The following FAM133B variants were observed in gnomAD, a reference collection of about 807,000 sequenced individuals.
FAM133B encodes the protein protein FAM133B.
In FAM133B, 25 loss-of-function variants were observed where a neutral mutation model predicts 46.4. The observed-to-expected ratio is 0.54, with a 90% confidence interval of 0.39 to 0.75. The LOEUF (loss-of-function observed/expected upper bound fraction) is 0.75, where lower values mean the gene tolerates loss of function less well. Ranked by LOEUF, FAM133B falls within the 30% of genes least tolerant of loss-of-function variation. The pLI is 0.00. For missense variants in FAM133B, 205 were observed against 277.6 expected (o/e 0.74, Z 1.86); for synonymous variants, 75 against 86.0 (o/e 0.87, Z 0.71).
intron 1 of FAM133B, among the ~76,000 whole-genome samples, chr7:92,583,179 G>A (rs1794938645): frequency 6.6e-6 from 1 of 152,142 alleles, no homozygotes. Flanking sequence ...CATACTATAT[G>A]CAACCTGGAT....
chr7:92,562,395 T>A (rs1366572334), intron 10 of FAM133B, 27 bp from the exon 11 acceptor site: 1 of 1,518,692 alleles, frequency 6.6e-7, no homozygotes, highest in Non-Finnish European at 8.8e-7. Flanking sequence ...ATGTTAGACA[T>A]TACTATATAA....
At chr7:92,576,531 T>G (rs988201238) in intron 7 of FAM133B, among the ~76,000 whole-genome samples, 1 of 152,184 alleles carries the variant, frequency 6.6e-6, no homozygotes, top group Non-Finnish European at 1.5e-5. Flanking sequence ...TGTCAAATTG[T>G]GGTCCATAAA....
intron 1 of FAM133B, chr7:92,585,458 A>G: frequency 1.5e-6 from 1 of 684,740 alleles, no homozygotes; most frequent in Non-Finnish European, 1.8e-6. Context: ...GAGTGCAAAT[A>G]TACACATATC....
At chr7:92,581,917 G>GTGAGGGTGATAACAGTATGTT (rs1374426631) in intron 1 of FAM133B, 1 of 230,750 alleles carries the variant, frequency 4.3e-6, no homozygotes, top group Non-Finnish European at 8.5e-6. Context: ...CAGTAACCCT[G>GTGAGGGTGATAACAGTATGTT]TGAGGGTGAT....
intron 8 of FAM133B, among the ~76,000 whole-genome samples, chr7:92,570,240 T>C (rs1439833240): frequency 6.6e-6 from 1 of 152,134 alleles, no homozygotes; most frequent in Non-Finnish European, 1.5e-5. Flanking sequence ...CTTTTGTTTC[T>C]ACCCAGGATT....
At position 92,581,542 on chromosome 7, in the gene FAM133B, G is replaced by T. The variant is rs1485016805; in HGVS notation, c.86C>A (p.Thr29Lys). Reference sequence around the variant, plus strand: ...TGGTCGATTCAGATAATCCTGTATTGTTGGCCCTGAAGACTGGATTGGACC... The same window carrying T: ...TGGTCGATTCAGATAATCCTGTATTTTTGGCCCTGAAGACTGGATTGGACC... The part of the protein sequence containing the change: ...SRGPIQSSGP[T>K]IQDYLNRPRP... The change falls in exon 2 of 11, where the codon ACA (threonine) becomes AAA (lysine). Residue 29 changes from threonine to lysine, a missense_variant. Transcript: ENST00000445716. 1.2e-6 allele frequency: 2 copies of T among 1,613,846 alleles called. No individual in the cohort carries two copies. Among genetic ancestry groups the T allele is most frequent in the Non-Finnish European group, 8.5e-7 (1 of 1,179,800 alleles).
chr7:92,562,622 T>C (rs1794194890), intron 10 of FAM133B, among the ~76,000 whole-genome samples: 1 of 152,210 alleles, frequency 6.6e-6, no homozygotes, highest in Admixed American at 6.5e-5. Flanking sequence ...AAATTTCCTG[T>C]AGGAAATAAA....
intron 9 of FAM133B, 86 bp downstream of exon 9, chr7:92,569,737 G>T: frequency 3.2e-6 from 2 of 618,336 alleles, no homozygotes; most frequent in Non-Finnish European, 5.2e-6. Flanking sequence ...AATTAAATAT[G>T]AAGTATTTCT....
At position 92,567,269 on chromosome 7, in the gene FAM133B, C is replaced by T. The variant is rs550278778; in HGVS notation, c.610-1208G>A. ...AGTTGTCAAAGCTTTCATAAACTTT[C>T]GTATTACATGTTAAGTCCAAATGTG... On this transcript the variant is annotated intron_variant, in intron 9 of 10. Coordinates refer to ENST00000445716, the MANE Select transcript of FAM133B (RefSeq NM_152789.4). Among the ~76,000 whole-genome samples, 10 of 152,242 alleles carry T rather than the reference C, an allele frequency of 6.6e-5. No homozygotes were observed. In the South Asian group the frequency reaches 1.0e-3, roughly 16 times the overall value.
At chr7:92,569,072 T>C (rs903827618) in intron 9 of FAM133B, among the ~76,000 whole-genome samples, 8 of 152,142 alleles carry the variant, frequency 5.3e-5, no homozygotes, top group African/African-American at 1.9e-4. Context: ...AGGAGGCTAA[T>C]ACGGAAACGA....
intron 1 of FAM133B, among the ~76,000 whole-genome samples, chr7:92,587,753 T>A (rs998853912): frequency 6.6e-6 from 1 of 151,930 alleles, no homozygotes. Context: ...ATAAATAAAT[T>A]TATTTGTCCA....
intron 1 of FAM133B, among the ~76,000 whole-genome samples, chr7:92,587,502 G>A (rs1296184561): frequency 1.3e-5 from 2 of 152,102 alleles, no homozygotes; most frequent in Non-Finnish European, 2.9e-5. Context: ...AGGCCGAGAC[G>A]GGAGGATTGC....
intron 10 of FAM133B, among the ~76,000 whole-genome samples, chr7:92,565,168 T>A (rs1434630035): frequency 1.4e-5 from 2 of 140,538 alleles, no homozygotes; most frequent in Non-Finnish European, 3.1e-5. Context: ...TTTTTTTTTT[T>A]AAGACGGAGT....
chr7:92,566,133 TTCTC>T, intron 9 of FAM133B, 72 bp from the exon 10 acceptor site: 7 of 1,415,148 alleles, frequency 4.9e-6, no homozygotes, highest in Non-Finnish European at 6.9e-6. Context: ...TTTTCTTTCA[TTCTC>T]TATCTTGCAT....
chr7:92,587,902 A>C (rs1464157999), intron 1 of FAM133B, among the ~76,000 whole-genome samples: 3 of 152,206 alleles, frequency 2.0e-5, no homozygotes, highest in Non-Finnish European at 4.4e-5. Flanking sequence ...GAGGCTATGC[A>C]CGAGTGGGGT....
chr7:92,561,219 C>A lies in FAM133B; in HGVS notation c.*1063G>T, dbSNP rs1428935003. Reference sequence around the variant, plus strand: ...TATGAAGCCGTTTTTTTTTTTTAATCAAAACCCTGCTTTTTACATGCTAAA... The same window carrying A: ...TATGAAGCCGTTTTTTTTTTTTAATAAAAACCCTGCTTTTTACATGCTAAA... On this transcript the variant is annotated 3_prime_UTR_variant, in exon 11 of 11. Coordinates refer to ENST00000445716, the MANE Select transcript of FAM133B (RefSeq NM_152789.4). 2 of 141,686 alleles carry A rather than the reference C, an allele frequency of 1.4e-5. No individual in the cohort carries two copies. Among genetic ancestry groups the A allele is most frequent in the African/African-American group, 2.7e-5 (1 of 37,640 alleles). 8.8% of individuals were successfully genotyped at this position (141,686 alleles called of 1,614,324 possible).
At chr7:92,572,053 C>T (rs927883371) in intron 8 of FAM133B, among the ~76,000 whole-genome samples, 1 of 152,014 alleles carries the variant, frequency 6.6e-6, no homozygotes, top group Non-Finnish European at 1.5e-5. Flanking sequence ...GGGCTAAAAA[C>T]AATGATTATG....
At chr7:92,584,214 T>C (rs912662361) in intron 1 of FAM133B, among the ~76,000 whole-genome samples, 2 of 152,098 alleles carry the variant, frequency 1.3e-5, no homozygotes, top group Non-Finnish European at 2.9e-5. Flanking sequence ...GCCCAGTCAA[T>C]AGACATTTAT....
At chr7:92,580,147 C>G (rs565723291) in intron 2 of FAM133B, among the ~76,000 whole-genome samples, 1 of 151,678 alleles carries the variant, frequency 6.6e-6, no homozygotes, top group Admixed American at 6.6e-5. Context: ...GATCATAGTT[C>G]ACTGTAATCT....
Sources: allele counts gnomAD v4.1 joint callset (sites outside exome capture counted in the v4.1 genomes callset), GRCh38; gene constraint gnomAD v4.1.1; transcripts MANE v1.5; gene names NCBI Gene and HGNC (gene_info 2026-07-23, HGNC 2026-07-21).